Variants in ST6GALNAC3 observed in about 807,000 individuals in gnomAD.
ST6GALNAC3 encodes the protein ST6 N-acetylgalactosaminide alpha-2,6-sialyltransferase 3.
Under a neutral mutation model 32.7 loss-of-function variants are expected in ST6GALNAC3, and 25 were observed. The observed-to-expected ratio is 0.76, with a 90% CI of 0.56 to 1.07. ST6GALNAC3 has a LOEUF of 1.07. Among genes scored for constraint, ST6GALNAC3 ranks in the 50% least tolerant of loss-of-function variants. ST6GALNAC3 has a pLI of 0.00. For missense variants in ST6GALNAC3, 355 were observed against 382.4 expected, an observed-to-expected ratio of 0.93 and a Z score of 0.60; for synonymous variants, 129 against 133.1, an observed-to-expected ratio of 0.97 and a Z score of 0.21.
intron 2 of ST6GALNAC3, among the ~76,000 whole-genome samples, chr1:76,316,466 G>GTA (rs1646868375): frequency 6.6e-6 from 1 of 152,166 alleles, no homozygotes; most frequent in East Asian, 1.9e-4. Context: ...GAAACTGCAA[G>GTA]TATATGTGAC....
Position 76,630,135 on chromosome 1 carries a change from T to G in ST6GALNAC3, c.*1329T>G. The G allele has an allele frequency of 1.0e-6, 1 of 985,224 alleles. No homozygotes were observed. Among genetic ancestry groups the G allele is most frequent in the East Asian group, 1.1e-4 (1 of 8,816 alleles). The allele number at this position is 985,224 out of a possible 1,614,324, so 61.0% of individuals were successfully genotyped here. Reference sequence around the variant, plus strand: ...ATGATCTGTAATTTGGTCATTGTTCTGTTATATTCCAGATTGCTCTACTTG... The same window carrying G: ...ATGATCTGTAATTTGGTCATTGTTCGGTTATATTCCAGATTGCTCTACTTG... On this transcript the variant is annotated 3_prime_UTR_variant, in exon 5 of 5. Transcript: ENST00000328299.
chr1:76,441,647 T>C (rs1656615522), intron 3 of ST6GALNAC3, among the ~76,000 whole-genome samples: 1 of 152,216 alleles, frequency 6.6e-6, no homozygotes, highest in African/African-American at 2.4e-5. Context: ...CTTTTAGTTA[T>C]TTTAATATGT....
At chr1:76,116,083 T>C (rs893425920) in intron 1 of ST6GALNAC3, among the ~76,000 whole-genome samples, 2 of 152,116 alleles carry the variant, frequency 1.3e-5, no homozygotes, top group African/African-American at 2.4e-5. Context: ...GTCAGTGCTA[T>C]GGTGTGGACA....
At chr1:76,136,822 G>A (rs1649975729) in intron 1 of ST6GALNAC3, among the ~76,000 whole-genome samples, 1 of 152,124 alleles carries the variant, frequency 6.6e-6, no homozygotes, top group African/African-American at 2.4e-5. Context: ...TCACTAACTT[G>A]GTGAGAATTT....
rs1649257857 is a variant in ST6GALNAC3, at chr1:76,630,790, A to G, written c.*1984A>G. ...TTATTCTTTTGTTGTTCCCTTATGCAATTTTTAATTCTATGAATGTTAAGT... is the reference window on the plus strand; with the variant it reads ...TTATTCTTTTGTTGTTCCCTTATGCGATTTTTAATTCTATGAATGTTAAGT... On this transcript the variant is annotated 3_prime_UTR_variant, in exon 5 of 5. Transcript: ENST00000328299. The G allele has an allele frequency of 3.0e-6, 3 of 985,570 alleles. No homozygotes were observed. In the South Asian group the frequency reaches 1.4e-4, roughly 46 times the overall value. 61.1% of individuals were successfully genotyped at this position (985,570 alleles called of 1,614,324 possible).
At chr1:76,610,672 A>AT (rs752497785) in intron 3 of ST6GALNAC3, among the ~76,000 whole-genome samples, 4 of 152,114 alleles carry the variant, frequency 2.6e-5, no homozygotes, top group Non-Finnish European at 5.9e-5. Flanking sequence ...AATGTTGGAC[A>AT]TTTACAGTCT....
chr1:76,555,306 A>T (rs776433871), intron 3 of ST6GALNAC3, among the ~76,000 whole-genome samples: 1 of 152,216 alleles, frequency 6.6e-6, no homozygotes, highest in Admixed American at 6.5e-5. Context: ...AATGTCAACA[A>T]ATGCAAAGTA....
chr1:76,385,281 T>C (rs989069405), intron 2 of ST6GALNAC3, among the ~76,000 whole-genome samples: 7 of 152,148 alleles, frequency 4.6e-5, no homozygotes, highest in African/African-American at 1.7e-4. Context: ...TTTTGAACTT[T>C]TAAACTCTAT....
intron 1 of ST6GALNAC3, among the ~76,000 whole-genome samples, chr1:76,168,158 G>C (rs1347020590): frequency 2.0e-5 from 3 of 152,114 alleles, no homozygotes; most frequent in African/African-American, 7.2e-5. Flanking sequence ...TGCCTTAGTT[G>C]TGTCTCAGGG....
chr1:76,321,016 T>A (rs1646957846), intron 2 of ST6GALNAC3, among the ~76,000 whole-genome samples: 1 of 151,850 alleles, frequency 6.6e-6, no homozygotes, highest in African/African-American at 2.4e-5. Flanking sequence ...CAGGTAGGTG[T>A]ATAGTGTGCC....
intron 2 of ST6GALNAC3, among the ~76,000 whole-genome samples, chr1:76,356,793 C>T (rs1163884852): frequency 6.6e-6 from 1 of 152,156 alleles, no homozygotes; most frequent in Non-Finnish European, 1.5e-5. Flanking sequence ...GAGCATAACG[C>T]AATGAGAACT....
intron 1 of ST6GALNAC3, among the ~76,000 whole-genome samples, chr1:76,275,493 T>C (rs1243636353): frequency 1.3e-5 from 2 of 152,184 alleles, no homozygotes; most frequent in Admixed American, 6.5e-5. Context: ...ATTCTGGTCA[T>C]TGCTTATCTG....
chr1:76,251,365 C>A (rs189481085), intron 1 of ST6GALNAC3, among the ~76,000 whole-genome samples: 2 of 152,214 alleles, frequency 1.3e-5, no homozygotes, highest in African/African-American at 4.8e-5. Context: ...CTTTATCCTG[C>A]CAGTTCTTTT....
intron 1 of ST6GALNAC3, among the ~76,000 whole-genome samples, chr1:76,203,307 C>T (rs1468403810): frequency 1.3e-5 from 2 of 152,142 alleles, no homozygotes; most frequent in Admixed American, 6.5e-5. Flanking sequence ...CGGGTGATTC[C>T]AAGTGCAGCC....
chr1:76,260,086 C>A (rs1340337901), intron 1 of ST6GALNAC3, among the ~76,000 whole-genome samples: 2 of 151,958 alleles, frequency 1.3e-5, no homozygotes, highest in African/African-American at 2.4e-5. Flanking sequence ...GCCTTTGAAC[C>A]CAAAGACCTG....
chr1:76,566,016 C>T (rs778545021), intron 3 of ST6GALNAC3, among the ~76,000 whole-genome samples: 7 of 152,110 alleles, frequency 4.6e-5, no homozygotes, highest in Non-Finnish European at 1.0e-4. Context: ...AGAACCGAGT[C>T]GGTAAACTAC....
Position 76,154,294 on chromosome 1 carries a change from C to T in ST6GALNAC3, c.18+79410C>T, listed in dbSNP as rs151111735. ...TTGCACCCTGCATGCAGGGCCCTTT[C>T]TCCCCCACGAGAGGGCGCTCTCGTC... On this transcript the variant is annotated intron_variant, in intron 1 of 4. Coordinates refer to ENST00000328299, the MANE Select transcript of ST6GALNAC3 (RefSeq NM_152996.4). Among the ~76,000 whole-genome samples the T allele has an allele frequency of 2.1e-3, 313 of 152,250 alleles. 8 individuals carry two copies. The East Asian group carries it at 0.05, about 24-fold the overall frequency.
chr1:76,171,743 A>T (rs1225210609), intron 1 of ST6GALNAC3, among the ~76,000 whole-genome samples: 1 of 151,972 alleles, frequency 6.6e-6, no homozygotes, highest in Non-Finnish European at 1.5e-5. Flanking sequence ...AACCAGGAAA[A>T]AGCCGAATCC....
intron 3 of ST6GALNAC3, among the ~76,000 whole-genome samples, chr1:76,522,168 G>A (rs904908112): frequency 3.4e-5 from 5 of 149,038 alleles, no homozygotes; most frequent in African/African-American, 1.2e-4. Flanking sequence ...TCTTATTTCT[G>A]CTCCTTCAAA....
Sources: gnomAD v4.1 joint callset for allele counts (sites outside exome capture counted in the v4.1 genomes callset) on GRCh38, gnomAD v4.1.1 for gene constraint, MANE v1.5 for transcripts, NCBI Gene and HGNC (gene_info 2026-07-23, HGNC 2026-07-21) for gene names.